Variants in DNPEP observed in about 807,000 individuals in gnomAD.
The protein encoded by DNPEP is aspartyl aminopeptidase.
Under a neutral mutation model 59.1 loss-of-function variants are expected in DNPEP, and 46 were observed. The ratio of observed to expected loss-of-function variants is 0.78; its 90% confidence interval spans 0.61 to 0.99. The LOEUF (loss-of-function observed/expected upper bound fraction) is 0.99. Ranked by LOEUF, DNPEP falls within the 50% of genes least tolerant of loss-of-function variation. The pLI, the probability that DNPEP is intolerant of heterozygous loss-of-function variation, is 0.00. For synonymous variants in DNPEP, 229 were observed against 242.2 expected (o/e 0.95, Z 0.50); for missense variants, 617 against 649.9 (o/e 0.95, Z 0.55).
Position 219,382,021 on chromosome 2 carries a change from A to G in DNPEP, c.1055T>C (p.Met352Thr), listed in dbSNP as rs1953622285. 2 of 1,614,116 alleles carry G rather than the reference A, an allele frequency of 1.2e-6. No homozygotes were observed. The highest frequency in any genetic ancestry group is 1.7e-5 in the Admixed American group (1 of 60,006). ...AGCATGGGCCATGTCTGCGCTGATC[A>G]TGAAGGACTTGGGTATGGCTTCCTC... is the stretch of plus-strand genomic sequence containing the variant. ...AFEEAIPKSF[M>T]ISADMAHAVH... is the part of the protein sequence containing the mutation. The change falls in exon 11 of 15, where the codon ATG becomes ACG. Residue 352 changes from methionine (M) to threonine (T), a missense_variant. By Grantham distance (81) the Met-to-Thr change is moderately conservative. Coordinates refer to ENST00000273075, the MANE Select transcript of DNPEP (RefSeq NM_012100.4).
intron 8 of DNPEP, 179 bp from the exon 9 acceptor site, chr2:219,384,622 G>A: frequency 7.9e-6 from 4 of 505,218 alleles, no homozygotes; most frequent in Non-Finnish European, 1.5e-5. Context: ...AGTCTGAAGT[G>A]CAATGGCTCG....
chr2:219,385,570 C>T (rs372778549), intron 7 of DNPEP, 39 bp from the exon 8 acceptor site: 6 of 1,607,450 alleles, frequency 3.7e-6, no homozygotes, highest in Non-Finnish European at 5.1e-6. Flanking sequence ...TCCATTCCTC[C>T]TCTCCTCCCC....
At chr2:219,376,665 G>A (rs1953386609) in intron 13 of DNPEP, among the ~76,000 whole-genome samples, 1 of 152,174 alleles carries the variant, frequency 6.6e-6, no homozygotes, top group Non-Finnish European at 1.5e-5. Flanking sequence ...TTGGAGGGAA[G>A]AAGTTCCACT....
At chr2:219,388,382 C>G (rs1348183724), upstream of DNPEP, 1 of 145,084 alleles carries the variant, frequency 6.9e-6, no homozygotes, top group Non-Finnish European at 1.5e-5. Context: ...CCCCGCCCCG[C>G]TCCTCGCCAG....
chr2:219,376,967 T>A (rs2125126827), intron 13 of DNPEP, among the ~76,000 whole-genome samples: 1 of 152,152 alleles, frequency 6.6e-6, no homozygotes, highest in South Asian at 2.1e-4. Flanking sequence ...CAGCCATGTC[T>A]TCTAGCCCAA....
At chr2:219,387,343 G>C in intron 1 of DNPEP, 180 bp from the exon 2 acceptor site, 1 of 1,443,414 alleles carries the variant, frequency 6.9e-7, no homozygotes, top group Admixed American at 2.9e-5. Flanking sequence ...GAAAGCTTCA[G>C]CCCGCCGGCC....
upstream of DNPEP, among the ~76,000 whole-genome samples, chr2:219,392,670 G>C (rs181915373): frequency 1.7e-3 from 262 of 152,256 alleles, no homozygotes; most frequent in African/African-American, 6.1e-3. Context: ...CACCATGCCT[G>C]GCTCATTTTT....
chr2:219,388,531 G>A (rs1046562925), upstream of DNPEP: 2 of 205,778 alleles, frequency 9.7e-6, no homozygotes, highest in Non-Finnish European at 1.7e-5. Flanking sequence ...CTCCGCCCCT[G>A]CGGGGGCTGC....
At chr2:219,392,422 A>G (rs1438574926), upstream of DNPEP, among the ~76,000 whole-genome samples, 1 of 150,162 alleles carries the variant, frequency 6.7e-6, no homozygotes, top group African/African-American at 2.5e-5. Context: ...ATCTCAGCTC[A>G]CTGCAATCTC....
intron 1 of DNPEP, among the ~76,000 whole-genome samples, chr2:219,399,651 T>C (rs73991530): frequency 0.11 from 17,399 of 152,230 alleles, 2,764 homozygotes; most frequent in African/African-American, 0.36. Context: ...TTTGGAAAGA[T>C]TAAATCCTCC....
chr2:219,372,190 T>G lies in DNPEP; in HGVS notation c.*2102A>C, dbSNP rs1373653152. 1.3e-5 allele frequency among the ~76,000 whole-genome samples: 2 copies of G among 152,148 alleles called. No homozygotes were observed. Among genetic ancestry groups the G allele is most frequent in the African/African-American group, 2.4e-5 (1 of 41,434 alleles). ...AAATACAGTGTGAGGGTAAAATTTT[T>G]TACATAAGTAATACATGGTACATTC... On this transcript the variant is annotated 3_prime_UTR_variant, in exon 15 of 15. Transcript: ENST00000273075.
intron 1 of DNPEP, among the ~76,000 whole-genome samples, chr2:219,396,569 C>T (rs1373087684): frequency 6.6e-5 from 10 of 150,456 alleles, no homozygotes; most frequent in Admixed American, 6.6e-4. Flanking sequence ...GCCTGGGCAA[C>T]AGAGCAAGAC....
chr2:219,381,136 G>C (rs1320148783), intron 13 of DNPEP, among the ~76,000 whole-genome samples, 199 bp downstream of exon 13: 2 of 152,202 alleles, frequency 1.3e-5, no homozygotes, highest in South Asian at 2.1e-4. Flanking sequence ...TAGGAGACTA[G>C]TCCAAGGTCA....
rs1953240471 is a variant in DNPEP, at chr2:219,373,068, C to G, written c.*1224G>C. ...GTTTATAAGCAGGCTTTGACTTTTT[C>G]TTTTTCTTTTTTTTTTTTTGAGAGA... is the stretch of plus-strand genomic sequence containing the variant. On this transcript the variant is annotated 3_prime_UTR_variant, in exon 15 of 15. Coordinates refer to ENST00000273075, the MANE Select transcript of DNPEP (RefSeq NM_012100.4). Among the ~76,000 whole-genome samples the G allele has an allele frequency of 6.7e-6, 1 of 149,892 alleles. No homozygotes were observed.
intron 8 of DNPEP, chr2:219,384,691 C>A (rs1321807195): frequency 2.7e-6 from 1 of 364,384 alleles, no homozygotes; most frequent in East Asian, 6.6e-5. Flanking sequence ...GCCTCAGCCT[C>A]CTGAGTAGCT....
chr2:219,388,015 C>A (rs1244505718), upstream of DNPEP: 32 of 1,101,052 alleles, frequency 2.9e-5, 1 homozygote, highest in South Asian at 6.5e-4. Context: ...CCTCGGCGGG[C>A]TTACCCTGTC....
chr2:219,395,635 C>T (rs2125153337), intron 1 of DNPEP, among the ~76,000 whole-genome samples: 1 of 152,386 alleles, frequency 6.6e-6, no homozygotes, highest in South Asian at 2.1e-4. Flanking sequence ...CTTCCAGTTT[C>T]AGGTCATAAC....
At chr2:219,393,145 A>G (rs1405051384), upstream of DNPEP, among the ~76,000 whole-genome samples, 2 of 152,196 alleles carry the variant, frequency 1.3e-5, no homozygotes, top group East Asian at 1.9e-4. Flanking sequence ...GAACCCTAAC[A>G]ATAACTGATG....
At position 219,372,397 on chromosome 2, in the gene DNPEP, GCT is replaced by G. The variant is rs1213685177; in HGVS notation, c.*1893_*1894del. On this transcript the variant is annotated 3_prime_UTR_variant, in exon 15 of 15. Coordinates refer to ENST00000273075, the MANE Select transcript of DNPEP (RefSeq NM_012100.4). ...AATTTTTTTTTTGAGACGGAGTCTG[GCT>G]CTGTCGCCCAGGCTGGAGTGCAGTG... Among the ~76,000 whole-genome samples, 1 of 151,946 alleles carries G rather than the reference GCT, an allele frequency of 6.6e-6. No individual in the cohort carries two copies. The highest frequency in any genetic ancestry group is 1.5e-5 in the Non-Finnish European group (1 of 67,996).
Sources: allele counts gnomAD v4.1 joint callset (sites outside exome capture counted in the v4.1 genomes callset), GRCh38; gene constraint gnomAD v4.1.1; transcripts MANE v1.5; gene names NCBI Gene and HGNC (gene_info 2026-07-23, HGNC 2026-07-21).